Variants in NUFIP1 observed in about 807,000 individuals in gnomAD.
NUFIP1 encodes the protein FMR1-interacting protein NUFIP1.
In NUFIP1, 38 loss-of-function variants were observed where a neutral mutation model predicts 56.2. That is an observed-to-expected ratio of 0.68 (90% CI 0.52 to 0.89). The LOEUF is 0.89. NUFIP1 is among the 40% of genes least tolerant of loss of function. NUFIP1 has a pLI of 0.00. For synonymous variants in NUFIP1, 215 were observed against 212.4 expected, an observed-to-expected ratio of 1.01 and a Z score of -0.10; for missense variants, 567 against 605.8, an observed-to-expected ratio of 0.94 and a Z score of 0.67.
At position 44,965,854 on chromosome 13, in the gene NUFIP1, T is replaced by G. The variant is rs750922868; in HGVS notation, c.817A>C (p.Thr273Pro). 32 of 1,589,238 alleles carry G rather than the reference T, an allele frequency of 2.0e-5. No individual in the cohort carries two copies. The highest frequency in any genetic ancestry group is 2.6e-5 in the Non-Finnish European group (30 of 1,168,962). Residue 273 changes from threonine to proline, a missense_variant, in exon 6 of 10, where the codon ACA becomes CCA. By Grantham distance (38) the Thr-to-Pro change is conservative. Transcript: ENST00000379161. ...KEKRGAVLTT[T>P]QYGKMKGMSR... The stretch of plus-strand genomic sequence containing the variant: ...GCATAAGGAGCTTACCCATATTGTG[T>G]TGTTGTCAATACTGCTCCTCTCTTC...
At chr13:44,956,967 A>G (rs892297180) in intron 7 of NUFIP1, among the ~76,000 whole-genome samples, 4 of 152,178 alleles carry the variant, frequency 2.6e-5, no homozygotes, top group African/African-American at 9.7e-5. Context: ...GCTTTCCTAC[A>G]AACTTAAGCT....
chr13:44,984,662 T>A (rs1415573066), intron 1 of NUFIP1, among the ~76,000 whole-genome samples: 1 of 146,652 alleles, frequency 6.8e-6, no homozygotes, highest in Non-Finnish European at 1.6e-5. Flanking sequence ...TAAAATAAAA[T>A]AAAAATAAAA....
At chr13:44,954,997 C>T (rs576355507) in intron 7 of NUFIP1, among the ~76,000 whole-genome samples, 3 of 152,332 alleles carry the variant, frequency 2.0e-5, no homozygotes, top group Admixed American at 6.5e-5. Context: ...GTCACAGATG[C>T]TCAATGCTAC....
In NUFIP1 at chr13:44,979,192, C is replaced by A. The variant is rs1872094217; in HGVS notation, c.732G>T (p.Arg244Ser). 6.2e-7 allele frequency: 1 copy of A among 1,611,554 alleles called. No individual in the cohort carries two copies. The highest frequency in any genetic ancestry group is 8.5e-7 in the Non-Finnish European group (1 of 1,178,416). ...CACCAGTTCTGAACTCTACTCACTT[C>A]CTTCTTTCTTCCCTCCACCGTGCAA... Reference protein sequence around the residue: ...EEIARWREERRKNYPTLANIE... With the variant: ...EEIARWREERSKNYPTLANIE... Residue 244 changes from arginine to serine, a missense_variant and splice_region_variant, in exon 5 of 10, where the codon AGG becomes AGT. By Grantham distance (110) the Arg-to-Ser change is moderately radical. Coordinates refer to ENST00000379161, the MANE Select transcript of NUFIP1 (RefSeq NM_012345.3).
intron 7 of NUFIP1, among the ~76,000 whole-genome samples, chr13:44,953,185 G>A (rs909506461): frequency 6.6e-6 from 1 of 151,916 alleles, no homozygotes; most frequent in African/African-American, 2.4e-5. Context: ...TCACACTCCA[G>A]GGAAGAAGAA....
At chr13:44,987,007 C>T (rs1392737390) in intron 1 of NUFIP1, among the ~76,000 whole-genome samples, 5 of 151,912 alleles carry the variant, frequency 3.3e-5, no homozygotes, top group Admixed American at 6.6e-5. Flanking sequence ...TTTGTAGAGA[C>T]GGGGGTCTCA....
At chr13:44,942,702 C>A (rs1008600789) in intron 9 of NUFIP1, among the ~76,000 whole-genome samples, 16 of 152,150 alleles carry the variant, frequency 1.1e-4, no homozygotes, top group African/African-American at 3.9e-4. Context: ...CTTGAAGATG[C>A]ATTGCTTCCT....
chr13:44,982,279 A>G, intron 1 of NUFIP1, 125 bp from the exon 2 acceptor site: 1 of 410,202 alleles, frequency 2.4e-6, no homozygotes. Context: ...CCTTCTAGGA[A>G]GAATACTAGT....
In NUFIP1 at chr13:44,960,388, C is replaced by A. The variant is rs533332241; in HGVS notation, c.828-814G>T. The stretch of plus-strand genomic sequence containing the variant: ...GGTTCTAGCGATTCTCCTGCCTCAG[C>A]CTCCCGAGTAGCTGGGACTACAGGC... On this transcript the variant is annotated intron_variant, in intron 6 of 9. Transcript: ENST00000379161. Among the ~76,000 whole-genome samples the A allele has an allele frequency of 8.5e-5, 13 of 152,066 alleles. No homozygotes were observed. In the South Asian group the frequency reaches 2.5e-3, roughly 29 times the overall value.
rs1472587245 is a variant in NUFIP1 at position 44,984,513 on chromosome 13, G to A, written c.413-2359C>T. ...AAAAATTAGCCAGGTGTGGTAGTGC[G>A]TGCCTGTAGTCCCAGCTACTCAGGA... is the stretch of plus-strand genomic sequence containing the variant. On this transcript the variant is annotated intron_variant, in intron 1 of 9. Coordinates refer to ENST00000379161, the MANE Select transcript of NUFIP1 (RefSeq NM_012345.3). Among the ~76,000 whole-genome samples the A allele has an allele frequency of 6.6e-5, 10 of 152,158 alleles. No homozygotes were observed. In the East Asian group the frequency reaches 1.4e-3, roughly 21 times the overall value.
chr13:44,970,050 A>G (rs1057011208), intron 5 of NUFIP1, among the ~76,000 whole-genome samples: 4 of 152,184 alleles, frequency 2.6e-5, no homozygotes, highest in Non-Finnish European at 5.9e-5. Context: ...ATAAATTGTA[A>G]AACTACTCCA....
intron 7 of NUFIP1, among the ~76,000 whole-genome samples, chr13:44,956,070 G>A (rs145580401): frequency 0.017 from 2,548 of 151,090 alleles, 29 homozygotes; most frequent in Non-Finnish European, 0.026. Flanking sequence ...GTGAACCCCA[G>A]GGGGCAGAGC....
In NUFIP1 at chr13:44,977,468, A is replaced by C. The variant is rs548953270; in HGVS notation, c.734+1722T>G. ...TTTTTTCTTATCAACAAAGGAAGTAATATACTGATTTACATTCTGGTACAA... is the reference window on the plus strand; with the variant it reads ...TTTTTTCTTATCAACAAAGGAAGTACTATACTGATTTACATTCTGGTACAA... On this transcript the variant is annotated intron_variant, in intron 5 of 9. Transcript: ENST00000379161. Among the ~76,000 whole-genome samples, 112 of 152,300 alleles carry C rather than the reference A, an allele frequency of 7.4e-4. 1 individual carries two copies. Among genetic ancestry groups the C allele is most frequent in the African/African-American group, 2.7e-3 (112 of 41,554 alleles).
At chr13:44,973,223 G>A (rs536639086) in intron 5 of NUFIP1, among the ~76,000 whole-genome samples, 2 of 150,934 alleles carry the variant, frequency 1.3e-5, no homozygotes, top group South Asian at 4.2e-4. Context: ...TTTAAAATAC[G>A]GATGAATTTG....
chr13:44,944,787 C>T (rs1161127114), intron 8 of NUFIP1, among the ~76,000 whole-genome samples: 1 of 151,906 alleles, frequency 6.6e-6, no homozygotes, highest in African/African-American at 2.4e-5. Flanking sequence ...AGAAACTAAA[C>T]AACACACTTC....
At chr13:44,985,409 C>T (rs1254066730) in intron 1 of NUFIP1, among the ~76,000 whole-genome samples, 1 of 152,110 alleles carries the variant, frequency 6.6e-6, no homozygotes, top group African/African-American at 2.4e-5. Context: ...GCAGTCCCCA[C>T]CTTTAAGGTA....
intron 1 of NUFIP1, among the ~76,000 whole-genome samples, chr13:44,984,067 A>T (rs1236436497): frequency 6.6e-6 from 1 of 152,112 alleles, no homozygotes; most frequent in Middle Eastern, 3.2e-3. Flanking sequence ...ACCCTTCCCC[A>T]TACCTTTCAC....
At chr13:44,972,068 T>C (rs1347434935) in intron 5 of NUFIP1, among the ~76,000 whole-genome samples, 2 of 152,214 alleles carry the variant, frequency 1.3e-5, no homozygotes, top group Non-Finnish European at 2.9e-5. Flanking sequence ...AATAGGCTTA[T>C]CTTGATTTAA....
intron 7 of NUFIP1, among the ~76,000 whole-genome samples, chr13:44,957,035 A>G (rs965939302): frequency 6.6e-6 from 1 of 152,144 alleles, no homozygotes; most frequent in Non-Finnish European, 1.5e-5. Context: ...TATTATAAAA[A>G]TTAATAAATT....
Sources: allele counts gnomAD v4.1 joint callset (sites outside exome capture counted in the v4.1 genomes callset), GRCh38; gene constraint gnomAD v4.1.1; transcripts MANE v1.5; gene names NCBI Gene and HGNC (gene_info 2026-07-23, HGNC 2026-07-21).